Variants in NPHP4 observed in about 807,000 individuals in gnomAD.
NPHP4 encodes nephrocystin-4.
Under a neutral mutation model 155.8 loss-of-function variants are expected in NPHP4, and 151 were observed. The observed-to-expected ratio is 0.97, with a 90% confidence interval of 0.85 to 1.11. The LOEUF is 1.11. Among genes scored for constraint, NPHP4 ranks in the 50% least tolerant of loss-of-function variants. NPHP4 has a pLI of 0.00. For missense variants in NPHP4, 1,956 were observed against 1,925.7 expected, an observed-to-expected ratio of 1.02 and a Z score of -0.29; for synonymous variants, 845 against 816.8, an observed-to-expected ratio of 1.03 and a Z score of -0.59.
intron 7 of NPHP4, among the ~76,000 whole-genome samples, chr1:5,950,208 G>A (rs924319189): frequency 7.9e-5 from 12 of 152,212 alleles, no homozygotes; most frequent in South Asian, 4.1e-4. Flanking sequence ...ACTTTCAAGT[G>A]AACATGAGGG....
At chr1:5,964,080 A>C (rs534683852) in intron 5 of NPHP4, among the ~76,000 whole-genome samples, 1 of 152,224 alleles carries the variant, frequency 6.6e-6, no homozygotes, top group South Asian at 2.1e-4. Context: ...ACAGAGCTGT[A>C]AAAAGAGTGA....
chr1:5,907,920 A>T lies in NPHP4; in HGVS notation c.1504-698T>A, dbSNP rs114804052. On this transcript the variant is annotated intron_variant, in intron 12 of 29. Transcript: ENST00000378156. ...TAAATACTGCAGATATTTGGAAATG[A>T]GTGCGGCTTAAAACACTGATGCGGA... Among the ~76,000 whole-genome samples, 1,358 of 152,344 alleles carry T rather than the reference A, an allele frequency of 8.9e-3. 23 individuals are homozygous for T. The highest frequency in any genetic ancestry group is 0.031 in the African/African-American group (1,294 of 41,570).
At chr1:5,988,997 G>T (rs551248402) in intron 1 of NPHP4, among the ~76,000 whole-genome samples, 8 of 152,100 alleles carry the variant, frequency 5.3e-5, no homozygotes, top group African/African-American at 1.9e-4. Flanking sequence ...TATTTTTGTC[G>T]CTCAACTTCC....
At chr1:5,925,169 AG>A in intron 11 of NPHP4, among the ~76,000 whole-genome samples, 1 of 152,344 alleles carries the variant, frequency 6.6e-6, no homozygotes, top group South Asian at 2.1e-4. Context: ...GAATTCAACC[AG>A]CCTTGGATTG....
intron 7 of NPHP4, among the ~76,000 whole-genome samples, chr1:5,949,753 C>T (rs1384428424): frequency 6.6e-6 from 1 of 152,046 alleles, no homozygotes; most frequent in South Asian, 2.1e-4. Flanking sequence ...CATGCAGGGA[C>T]AAGCATGAGT....
chr1:5,928,723 T>C (rs1646135727), intron 10 of NPHP4, among the ~76,000 whole-genome samples: 1 of 152,246 alleles, frequency 6.6e-6, no homozygotes, highest in Non-Finnish European at 1.5e-5. Context: ...CCTCCAACTT[T>C]ACTGTTCTTT....
chr1:5,959,318 C>T (rs570201291), intron 6 of NPHP4, among the ~76,000 whole-genome samples: 20 of 152,350 alleles, frequency 1.3e-4, no homozygotes, highest in Admixed American at 9.8e-4. Context: ...TTGAGGCCAA[C>T]GGGCCAGACC....
At chr1:5,864,991 G>A (rs761278721) in intron 27 of NPHP4, 111 bp downstream of exon 27, 103 of 1,072,246 alleles carry the variant, frequency 9.6e-5, no homozygotes, top group Non-Finnish European at 1.3e-4. Flanking sequence ...CGCTGGAGGC[G>A]CTGGAAAAGC....
At chr1:5,947,501 T>C (rs1402100004) in intron 8 of NPHP4, among the ~76,000 whole-genome samples, 4 of 152,240 alleles carry the variant, frequency 2.6e-5, no homozygotes, top group Non-Finnish European at 5.9e-5. Flanking sequence ...CCTCAGCCTC[T>C]CATTGCTCTT....
In NPHP4 at chr1:5,905,820, G is replaced by C; in HGVS notation, c.1612-37C>G. On this transcript the variant is annotated intron_variant, in intron 13 of 29. Transcript: ENST00000378156. The surrounding 1 kb of genome is among the most constrained non-coding windows in gnomAD (Gnocchi z 4.0). ...GAGGGCTTCCAAGTGAGGCCACCAA[G>C]GACCCCAACCCGTAACAACCAACGG... is the stretch of plus-strand genomic sequence containing the variant. 6.4e-7 allele frequency: 1 copy of C among 1,573,120 alleles called. No homozygotes were observed. The highest frequency in any genetic ancestry group is 8.6e-7 in the Non-Finnish European group (1 of 1,157,852).
At chr1:5,873,713 AAC>A (rs1642243934) in intron 22 of NPHP4, 1 of 333,776 alleles carries the variant, frequency 3.0e-6, no homozygotes, top group African/African-American at 2.2e-5. Flanking sequence ...CAAAAGCTGA[AAC>A]ACACACTCCA....
chr1:5,959,536 C>A (rs1649911513), intron 6 of NPHP4, among the ~76,000 whole-genome samples: 2 of 152,112 alleles, frequency 1.3e-5, no homozygotes, highest in Admixed American at 1.3e-4. Flanking sequence ...AGTCCAGTGA[C>A]CTGCAGGTAA....
At chr1:5,931,121 T>C (rs1646249186) in intron 10 of NPHP4, among the ~76,000 whole-genome samples, 1 of 152,192 alleles carries the variant, frequency 6.6e-6, no homozygotes, top group Admixed American at 6.5e-5. Context: ...GAAAAGAATA[T>C]TTTCCATTCT....
chr1:5,974,874 C>T (rs936945355), intron 3 of NPHP4, among the ~76,000 whole-genome samples: 3 of 152,154 alleles, frequency 2.0e-5, no homozygotes, highest in Non-Finnish European at 4.4e-5. Flanking sequence ...TGGACAGCCA[C>T]GGGCGCTCCA....
At chr1:5,966,180 A>C (rs1320117823) in intron 5 of NPHP4, among the ~76,000 whole-genome samples, 1 of 152,134 alleles carries the variant, frequency 6.6e-6, no homozygotes, top group Non-Finnish European at 1.5e-5. Context: ...ATCACTCTTC[A>C]GCTGACATCT....
intron 10 of NPHP4, among the ~76,000 whole-genome samples, chr1:5,928,359 G>A (rs937771095): frequency 2.0e-5 from 3 of 152,240 alleles, no homozygotes; most frequent in Non-Finnish European, 2.9e-5. Flanking sequence ...ATAAGACTGA[G>A]GAGATTCATC....
chr1:5,904,878 A>G, intron 15 of NPHP4, 74 bp from the exon 16 acceptor site: 1 of 1,449,210 alleles, frequency 6.9e-7, no homozygotes, highest in Non-Finnish European at 9.7e-7. Context: ...GTGTGTTTGC[A>G]TAGGGGATGG....
chr1:5,878,942 A>T (rs1642903438), intron 19 of NPHP4, among the ~76,000 whole-genome samples: 5 of 152,218 alleles, frequency 3.3e-5, no homozygotes, highest in Admixed American at 3.3e-4. Flanking sequence ...CCCCTTAGCC[A>T]CGGCACTGGC....
At chr1:5,895,386 G>C (rs1236822431) in intron 16 of NPHP4, among the ~76,000 whole-genome samples, 3 of 152,094 alleles carry the variant, frequency 2.0e-5, no homozygotes, top group Non-Finnish European at 2.9e-5. Context: ...TGTAGTCCCA[G>C]CTACTCAGGA....
Sources: gnomAD v4.1 joint callset for allele counts (sites outside exome capture counted in the v4.1 genomes callset) on GRCh38, gnomAD v4.1.1 for gene constraint, Gnocchi (gnomAD v3.1) non-coding constraint, MANE v1.5 for transcripts, NCBI Gene and HGNC (gene_info 2026-07-23, HGNC 2026-07-21) for gene names.